Variants in ETNPPL observed in about 807,000 individuals in gnomAD.
The protein encoded by ETNPPL is ethanolamine-phosphate phospho-lyase.
Under a neutral mutation model 55.5 loss-of-function variants are expected in ETNPPL, and 30 were observed. That is an observed-to-expected ratio of 0.54 (90% CI 0.40 to 0.73). The LOEUF is 0.73. Ranked by LOEUF, ETNPPL falls within the 30% of genes least tolerant of loss-of-function variation. The pLI, the probability that ETNPPL is intolerant of heterozygous loss-of-function variation, is 0.00. For synonymous variants in ETNPPL, 202 were observed against 207.2 expected, an observed-to-expected ratio of 0.98 and a Z score of 0.21; for missense variants, 528 against 607.9, an observed-to-expected ratio of 0.87 and a Z score of 1.38.
intron 7 of ETNPPL, 130 bp downstream of exon 7, chr4:108,750,806 G>C (rs1248077448): frequency 1.5e-6 from 1 of 679,674 alleles, no homozygotes. Context: ...GTCCTGGGTT[G>C]GCAGGCACTC....
At chr4:108,746,210 A>AAG (rs1190523905) in intron 11 of ETNPPL, among the ~76,000 whole-genome samples, 189 bp downstream of exon 11, 1 of 152,218 alleles carries the variant, frequency 6.6e-6, no homozygotes, top group African/African-American at 2.4e-5. Context: ...ATTTCAATTT[A>AAG]AGAGTCCATG....
chr4:108,762,701 G>A, intron 1 of ETNPPL, 142 bp downstream of exon 1: 1 of 1,055,292 alleles, frequency 9.5e-7, no homozygotes, highest in Non-Finnish European at 1.5e-6. Flanking sequence ...AGGTGGAGGC[G>A]CGCGGGGCGC....
chr4:108,758,042 G>C (rs1362178769), intron 3 of ETNPPL, among the ~76,000 whole-genome samples: 1 of 118,548 alleles, frequency 8.4e-6, no homozygotes, highest in Non-Finnish European at 1.6e-5. Context: ...GTCTCACTCT[G>C]TCGCCAGGCT....
Position 108,749,254 on chromosome 4 carries a change from A to G in ETNPPL, c.911T>C (p.Met304Thr). The change falls in exon 8 of 13, where the codon ATG becomes ACG. Residue 304 changes from methionine (M) to threonine (T), a missense_variant. By Grantham distance (81) the Met-to-Thr change is moderately conservative. Transcript: ENST00000296486. ...EIAEAFSSSG[M>T]EYFNTYGGNP... is the part of the protein sequence containing the mutation. ...AAAATGTACCGTATTAAAATATTCC[A>G]TCCCAGAGCTGCTGAAGGCTTCTGC... is the stretch of plus-strand genomic sequence containing the variant. 2 of 1,612,880 alleles carry G rather than the reference A, an allele frequency of 1.2e-6. No homozygotes were observed. The highest frequency in any genetic ancestry group is 1.7e-6 in the Non-Finnish European group (2 of 1,178,962).
At chr4:108,757,615 A>G (rs1448060343) in intron 3 of ETNPPL, among the ~76,000 whole-genome samples, 1 of 152,220 alleles carries the variant, frequency 6.6e-6, no homozygotes, top group Admixed American at 6.5e-5. Context: ...TCTAAAAATA[A>G]TAAAGTAATT....
Position 108,742,541 on chromosome 4 carries a change from C to T in ETNPPL, c.1443G>A (p.Lys481=), listed in dbSNP as rs780571183. The part of the protein sequence containing the change: ...TTDSKENPSR[K]RNGMCTDTHS... ...GTGTATCCGTGCACATTCCATTTCT[C>T]TTTCTGCTGGGATTTTCTTTGGAGT... The change falls in exon 13 of 13, where the codon AAG becomes AAA. Residue 481 remains lysine (K), a synonymous_variant. Transcript: ENST00000296486. 6.2e-7 allele frequency: 1 copy of T among 1,614,160 alleles called. No individual in the cohort carries two copies. The highest frequency in any genetic ancestry group is 8.5e-7 in the Non-Finnish European group (1 of 1,180,026).
At chr4:108,744,090 G>A (rs529747039) in intron 11 of ETNPPL, among the ~76,000 whole-genome samples, 2 of 152,118 alleles carry the variant, frequency 1.3e-5, no homozygotes, top group East Asian at 1.9e-4. Flanking sequence ...GTGAAACCCC[G>A]TCTTTACTAA....
chr4:108,746,605 G>C (rs1364565663), intron 10 of ETNPPL, 76 bp from the exon 11 acceptor site: 2 of 1,537,118 alleles, frequency 1.3e-6, no homozygotes, highest in East Asian at 4.5e-5. Context: ...TGAACATAGA[G>C]CAGTTTAAGT....
chr4:108,747,244 T>C (rs1728646770), intron 9 of ETNPPL, among the ~76,000 whole-genome samples: 3 of 57,134 alleles, frequency 5.3e-5, no homozygotes, highest in South Asian at 1.4e-3. Context: ...ATATATAATA[T>C]ATATATATAT....
intron 5 of ETNPPL, 112 bp downstream of exon 5, chr4:108,754,508 C>A (rs1004828336): frequency 1.5e-6 from 1 of 656,844 alleles, no homozygotes; most frequent in African/African-American, 1.8e-5. Flanking sequence ...CACATAACTG[C>A]TCTTGATTTT....
chr4:108,746,892 A>G (rs1728532351), intron 9 of ETNPPL, 41 bp from the exon 10 acceptor site: 1 of 1,376,186 alleles, frequency 7.3e-7, no homozygotes, highest in South Asian at 1.2e-5. Flanking sequence ...AATCTGTCCA[A>G]CTCTTCACTG....
At chr4:108,747,148 A>T (rs1437413683) in intron 9 of ETNPPL, among the ~76,000 whole-genome samples, 44 of 35,384 alleles carry the variant, frequency 1.2e-3, no homozygotes, top group African/African-American at 7.2e-3. Flanking sequence ...ATATATATAT[A>T]ATATATATAT....
rs531424626 is a variant in ETNPPL at position 108,753,542 on chromosome 4, G to A, written c.502-531C>T. ...AGGTCTCTTAAGGTCAGGAGTTTGA[G>A]ACCAGCCTGGCCTACATGATGAAAC... On this transcript the variant is annotated intron_variant, in intron 5 of 12. Coordinates refer to ENST00000296486, the MANE Select transcript of ETNPPL (RefSeq NM_031279.4). Among the ~76,000 whole-genome samples, 4 of 152,206 alleles carry A rather than the reference G, an allele frequency of 2.6e-5. No homozygotes were observed. In the East Asian group the frequency reaches 7.7e-4, roughly 29 times the overall value.
chr4:108,748,182 T>C, intron 8 of ETNPPL, 23 bp from the exon 9 acceptor site: 1 of 1,532,428 alleles, frequency 6.5e-7, no homozygotes, highest in East Asian at 2.4e-5. Context: ...AAAAGACAAA[T>C]GAGAAAATAT....
intron 3 of ETNPPL, among the ~76,000 whole-genome samples, chr4:108,757,833 G>A: frequency 6.7e-6 from 1 of 148,296 alleles, no homozygotes; most frequent in Admixed American, 6.6e-5. Flanking sequence ...TGGGTTACAG[G>A]GGCTCACCCT....
In ETNPPL at chr4:108,742,142, A is replaced by C; in HGVS notation, c.*342T>G. ...ATATTTTAAGGCACTAAGTCTCAAA[A>C]GTGAAGGCACCTGTTATACTTTGCT... On this transcript the variant is annotated 3_prime_UTR_variant, in exon 13 of 13. Coordinates refer to ENST00000296486, the MANE Select transcript of ETNPPL (RefSeq NM_031279.4). 1 of 168,752 alleles carries C rather than the reference A, an allele frequency of 5.9e-6. No homozygotes were observed. The highest frequency in any genetic ancestry group is 1.3e-5 in the Non-Finnish European group (1 of 77,820). The allele number at this position is 168,752 out of a possible 1,614,324, so 10.5% of individuals were successfully genotyped here. A position where few individuals can be genotyped will look rare whatever the true frequency, so the allele number is the denominator to read the frequency against.
intron 7 of ETNPPL, 92 bp downstream of exon 7, chr4:108,750,844 G>T: frequency 1.1e-6 from 1 of 949,082 alleles, no homozygotes; most frequent in Non-Finnish European, 1.7e-6. Context: ...AGCTAATCAG[G>T]AATTATTTTA....
chr4:108,756,637 G>T, intron 3 of ETNPPL, 145 bp from the exon 4 acceptor site: 1 of 631,074 alleles, frequency 1.6e-6, no homozygotes, highest in South Asian at 2.0e-5. Flanking sequence ...AGAAGTTAGA[G>T]ACCAGATTAG....
At chr4:108,756,387 C>A in intron 4 of ETNPPL, 31 bp downstream of exon 4, 1 of 1,542,306 alleles carries the variant, frequency 6.5e-7, no homozygotes, top group Non-Finnish European at 9.0e-7. Context: ...GAAGAAGCTT[C>A]TTGCTTAAAA....
Sources: gnomAD v4.1 joint callset for allele counts (sites outside exome capture counted in the v4.1 genomes callset) on GRCh38, gnomAD v4.1.1 for gene constraint, MANE v1.5 for transcripts, NCBI Gene and HGNC (gene_info 2026-07-23, HGNC 2026-07-21) for gene names.